SAMM50: variants seen among roughly 807,000 people sequenced by gnomAD.
SAMM50 encodes sorting and assembly machinery component 50 homolog.
Under a neutral mutation model 66.9 loss-of-function variants are expected in SAMM50, and 47 were observed. The observed-to-expected ratio is 0.70, with a 90% CI of 0.56 to 0.90. The LOEUF (loss-of-function observed/expected upper bound fraction) is 0.90, where lower values mean the gene tolerates loss of function less well. SAMM50 is among the 40% of genes least tolerant of loss of function. SAMM50 has a pLI of 0.00. For synonymous variants in SAMM50, 191 were observed against 214.1 expected (o/e 0.89, Z 0.94); for missense variants, 535 against 595.3 (o/e 0.90, Z 1.05).
intron 12 of SAMM50, among the ~76,000 whole-genome samples, chr22:43,986,050 T>TG (rs1306851497): frequency 7.4e-6 from 1 of 134,366 alleles, no homozygotes; most frequent in Admixed American, 7.3e-5. Context: ...TTTCTTTTTT[T>TG]TTTTTTTTTT....
intron 1 of SAMM50, chr22:43,957,382 G>T: frequency 4.4e-6 from 2 of 449,550 alleles, no homozygotes; most frequent in Admixed American, 3.3e-5. Flanking sequence ...ATGTGGATTT[G>T]TGCTCTTGAA....
At chr22:43,980,114 A>T in intron 10 of SAMM50, among the ~76,000 whole-genome samples, 1 of 140,404 alleles carries the variant, frequency 7.1e-6, no homozygotes, top group Non-Finnish European at 1.5e-5. Flanking sequence ...CCACCCATCC[A>T]CCCACCCACC....
chr22:43,977,145 G>T (rs1569030731), intron 9 of SAMM50, among the ~76,000 whole-genome samples: 1 of 152,230 alleles, frequency 6.6e-6, no homozygotes, highest in Non-Finnish European at 1.5e-5. Flanking sequence ...GAAGGCAGGG[G>T]TCACCCCTCA....
rs376802043 is a variant in SAMM50, at chr22:43,976,027, G to C, written c.649-28G>C. 11 of 1,591,510 alleles carry C rather than the reference G, an allele frequency of 6.9e-6. No individual in the cohort carries two copies. The African/African-American group carries it at 1.5e-4, about 21-fold the overall frequency. ...ACAAGTTCCTAAGTATGTGTGGTCC[G>C]GAAAGATGTCTGATCTCCATGTTGC... On this transcript the variant is annotated intron_variant, in intron 7 of 14. Transcript: ENST00000350028.
At position 43,971,736 on chromosome 22, in the gene SAMM50, G is replaced by T. The variant is rs2050204798; in HGVS notation, c.323-500G>T. Reference sequence around the variant, plus strand: ...TTTTTGGTTTTTTTTTTAGAGACAGGGTCTTGCTCTGTCGTCCGGGCTGGA... The same window carrying T: ...TTTTTGGTTTTTTTTTTAGAGACAGTGTCTTGCTCTGTCGTCCGGGCTGGA... On this transcript the variant is annotated intron_variant, in intron 4 of 14. Coordinates refer to ENST00000350028, the MANE Select transcript of SAMM50 (RefSeq NM_015380.5). Among the ~76,000 whole-genome samples the T allele has an allele frequency of 2.0e-5, 3 of 151,908 alleles. No individual in the cohort carries two copies. The South Asian group carries it at 6.2e-4, about 32-fold the overall frequency.
intron 1 of SAMM50, among the ~76,000 whole-genome samples, chr22:43,958,965 A>AT (rs1231472961): frequency 2.0e-5 from 3 of 151,444 alleles, no homozygotes; most frequent in Non-Finnish European, 2.9e-5. Flanking sequence ...GTCAAACAAA[A>AT]TTTTGTGCAA....
chr22:43,990,230 C>T, intron 13 of SAMM50, 35 bp from the exon 14 acceptor site: 1 of 1,613,608 alleles, frequency 6.2e-7, no homozygotes, highest in Non-Finnish European at 8.5e-7. Flanking sequence ...GAAGGACGGG[C>T]ACGCACTGTT....
At chr22:43,981,616 G>A (rs956306923) in intron 11 of SAMM50, among the ~76,000 whole-genome samples, 155 bp downstream of exon 11, 1 of 152,016 alleles carries the variant, frequency 6.6e-6, no homozygotes, top group Admixed American at 6.6e-5. Flanking sequence ...TCTAAATATC[G>A]GGTATACCTC....
chr22:43,979,201 G>A (rs1043855214), intron 10 of SAMM50, among the ~76,000 whole-genome samples: 1 of 152,166 alleles, frequency 6.6e-6, no homozygotes, highest in African/African-American at 2.4e-5. Context: ...TCCCCACCCT[G>A]CTTCTCTCTG....
In SAMM50 at chr22:43,955,613, G is replaced by A. The variant is rs2050114879; in HGVS notation, c.21+15G>A. 11 of 1,587,626 alleles carry A rather than the reference G, an allele frequency of 6.9e-6. No individual in the cohort carries two copies. The South Asian group carries it at 1.1e-4, about 16-fold the overall frequency. On this transcript the variant is annotated intron_variant, in intron 1 of 14. Coordinates refer to ENST00000350028, the MANE Select transcript of SAMM50 (RefSeq NM_015380.5). The stretch of plus-strand genomic sequence containing the variant: ...TGCACGCCCGGGTAAGAGGCCCAGC[G>A]ACCCGCGGGCTGCGAGGCCTCTGGG...
chr22:43,971,773 C>T (rs1189908370), intron 4 of SAMM50, among the ~76,000 whole-genome samples: 1 of 152,020 alleles, frequency 6.6e-6, no homozygotes, highest in Non-Finnish European at 1.5e-5. Context: ...TGCAGTGGCA[C>T]AGTCATAGCT....
chr22:43,990,506 A>C, intron 14 of SAMM50, 100 bp downstream of exon 14: 1 of 1,173,374 alleles, frequency 8.5e-7, no homozygotes, highest in Non-Finnish European at 1.2e-6. Context: ...TTAAGCTTGA[A>C]GATTTTAAGA....
intron 1 of SAMM50, among the ~76,000 whole-genome samples, chr22:43,960,220 C>G (rs756137277): frequency 3.3e-5 from 5 of 152,206 alleles, no homozygotes; most frequent in South Asian, 2.1e-4. Flanking sequence ...TACTGCACAA[C>G]AAAATTGAAA....
chr22:43,989,303 C>T, intron 13 of SAMM50, 46 bp downstream of exon 13: 1 of 1,533,368 alleles, frequency 6.5e-7, no homozygotes, highest in Non-Finnish European at 9.0e-7. Flanking sequence ...CAGTTGTTTT[C>T]ATGTTTAAAA....
intron 3 of SAMM50, among the ~76,000 whole-genome samples, chr22:43,965,886 T>C (rs953765138): frequency 1.3e-5 from 2 of 152,350 alleles, no homozygotes; most frequent in East Asian, 3.9e-4. Context: ...CTGCTCAGGC[T>C]GGAGTCCAGT....
At chr22:43,974,358 T>C (rs2050220279) in intron 7 of SAMM50, among the ~76,000 whole-genome samples, 1 of 152,162 alleles carries the variant, frequency 6.6e-6, no homozygotes, top group South Asian at 2.1e-4. Context: ...AAATGACTCA[T>C]CTGTGAAATG....
At chr22:43,964,402 A>G (rs369843677) in intron 2 of SAMM50, 50 bp from the exon 3 acceptor site, 4 of 915,754 alleles carry the variant, frequency 4.4e-6, no homozygotes, top group South Asian at 1.5e-5. Flanking sequence ...CTTGACACCT[A>G]ATCTGTTTGC....
intron 14 of SAMM50, among the ~76,000 whole-genome samples, 154 bp downstream of exon 14, chr22:43,990,560 C>T (rs1354991312): frequency 1.3e-5 from 2 of 152,144 alleles, no homozygotes; most frequent in African/African-American, 2.4e-5. Flanking sequence ...GTATTTTCCT[C>T]CTTTGCGTTT....
intron 10 of SAMM50, among the ~76,000 whole-genome samples, chr22:43,979,293 G>A (rs937262052): frequency 2.0e-5 from 3 of 152,208 alleles, no homozygotes; most frequent in African/African-American, 7.2e-5. Flanking sequence ...CCTGGGCCCA[G>A]ATTCAAGTGC....
Sources: allele counts gnomAD v4.1 joint callset (sites outside exome capture counted in the v4.1 genomes callset), GRCh38; gene constraint gnomAD v4.1.1; transcripts MANE v1.5; gene names NCBI Gene and HGNC (gene_info 2026-07-23, HGNC 2026-07-21).